DEPDC5: variants seen among roughly 807,000 people sequenced by gnomAD.
DEPDC5 encodes the protein DEP domain containing 5, GATOR1 subcomplex subunit, also known as GATOR1 complex protein DEPDC5.
A neutral mutation model predicts 217.3 loss-of-function variants in DEPDC5; 73 were observed. The observed-to-expected ratio is 0.34, with a 90% CI of 0.28 to 0.41. The LOEUF is 0.41. Ranked by LOEUF, DEPDC5 falls within the 10% of genes least tolerant of loss-of-function variation. The pLI is 1.00. For synonymous variants in DEPDC5, 733 were observed against 756.7 expected, an observed-to-expected ratio of 0.97 and a Z score of 0.51; for missense variants, 1,675 against 2,070.1, an observed-to-expected ratio of 0.81 and a Z score of 3.70.
At chr22:31,830,263 C>G (rs1050570584) in intron 24 of DEPDC5, among the ~76,000 whole-genome samples, 1 of 152,234 alleles carries the variant, frequency 6.6e-6, no homozygotes, top group African/African-American at 2.4e-5. Flanking sequence ...ATTCACAATT[C>G]TGAACAGATG....
intron 34 of DEPDC5, chr22:31,873,040 C>A: frequency 3.4e-6 from 3 of 878,812 alleles, no homozygotes; most frequent in South Asian, 1.9e-5. Flanking sequence ...CAGACGTAAG[C>A]CACCAAACCC....
chr22:31,757,199 A>C (rs1464312510), intron 2 of DEPDC5: 2 of 152,124 alleles, frequency 1.3e-5, no homozygotes, highest in African/African-American at 4.8e-5. Context: ...AAAATTAGGG[A>C]TTGCTGGGTG....
chr22:31,775,766 G>A (rs530461739), intron 7 of DEPDC5, among the ~76,000 whole-genome samples: 5 of 152,134 alleles, frequency 3.3e-5, no homozygotes, highest in African/African-American at 1.2e-4. Context: ...AGAAGGCTGG[G>A]CACAGTGGCT....
intron 33 of DEPDC5, among the ~76,000 whole-genome samples, chr22:31,864,518 A>ATT (rs1439354406): frequency 7.2e-6 from 1 of 138,274 alleles, no homozygotes; most frequent in Non-Finnish European, 1.6e-5. Flanking sequence ...ATATATATAT[A>ATT]TATATATTTA....
In DEPDC5 at chr22:31,839,452, G is replaced by A. The variant is rs534011628; in HGVS notation, c.2515+607G>A. Among the ~76,000 whole-genome samples, 40 of 149,320 alleles carry A rather than the reference G, an allele frequency of 2.7e-4. 1 individual carries two copies. In the South Asian group the frequency reaches 4.0e-3, roughly 15 times the overall value. On this transcript the variant is annotated intron_variant, in intron 27 of 42. Coordinates refer to ENST00000651528, the MANE Select transcript of DEPDC5 (RefSeq NM_001242896.3). ...TGCAGGTGCCTGGAATCAGAAAGCA[G>A]TAATCACTTCCTGGAACAATCAATG...
rs11913402 is a variant in DEPDC5, at chr22:31,857,392, C to A, written c.3156-53C>A. The A allele has an allele frequency of 6.1e-3, 9,023 of 1,482,928 alleles. 242 individuals are homozygous for A. The African/African-American group carries it at 0.074, about 12-fold the overall frequency. The allele number at this position is 1,482,928 out of a possible 1,614,324, so 91.9% of individuals were successfully genotyped here. A position where few individuals can be genotyped will look rare whatever the true frequency, so the allele number is the denominator to read the frequency against. The stretch of plus-strand genomic sequence containing the variant: ...GTCTGCATCTTGGCCGACATGGATC[C>A]TTCACCAGGGAGCTCTGAGCAAGCT... On this transcript the variant is annotated intron_variant, in intron 31 of 42. Coordinates refer to ENST00000651528, the MANE Select transcript of DEPDC5 (RefSeq NM_001242896.3).
intron 30 of DEPDC5, among the ~76,000 whole-genome samples, chr22:31,846,467 C>T (rs1569093013): frequency 6.6e-6 from 1 of 152,114 alleles, no homozygotes; most frequent in Non-Finnish European, 1.5e-5. Flanking sequence ...GTGGGAAGAA[C>T]TTTGGTTTTG....
rs368665888 is a variant in DEPDC5 at position 31,804,929 on chromosome 22, C to G, written c.1217+14C>G. 14 of 1,609,690 alleles carry G rather than the reference C, an allele frequency of 8.7e-6. No homozygotes were observed. In the African/African-American group the frequency reaches 1.7e-4, roughly 20 times the overall value. On this transcript the variant is annotated intron_variant, in intron 17 of 42. Transcript: ENST00000651528. Reference sequence around the variant, plus strand: ...GATAAACCACAGGTGGGTGCGATCTCGATCAATAGTAGGTGATAAGCGTTT... The same window carrying G: ...GATAAACCACAGGTGGGTGCGATCTGGATCAATAGTAGGTGATAAGCGTTT...
At chr22:31,899,755 A>C (rs5998164) in intron 40 of DEPDC5, among the ~76,000 whole-genome samples, 2 of 152,300 alleles carry the variant, frequency 1.3e-5, no homozygotes, top group African/African-American at 4.8e-5. Context: ...AAATGTGGAA[A>C]GATTAGCAAA....
chr22:31,827,625 T>G (rs773719428), intron 24 of DEPDC5, among the ~76,000 whole-genome samples: 1 of 152,178 alleles, frequency 6.6e-6, no homozygotes, highest in Admixed American at 6.5e-5. Context: ...TCACTTGGAG[T>G]AAAAGCCAAG....
rs73162155 is a variant in DEPDC5 at position 31,802,982 on chromosome 22, G to A, written c.1081+144G>A. 6.4e-3 allele frequency: 7,274 copies of A among 1,138,944 alleles called. 35 individuals are homozygous for A. The highest frequency in any genetic ancestry group is 7.8e-3 in the Non-Finnish European group (6,761 of 863,930). The allele number at this position is 1,138,944 out of a possible 1,614,324, so 70.6% of individuals were successfully genotyped here. ...ACAACGTCTGTGGATGTCAATAGGT[G>A]TCAGGTGCTAAAATTTCATGGTCAA... On this transcript the variant is annotated intron_variant, in intron 15 of 42. Coordinates refer to ENST00000651528, the MANE Select transcript of DEPDC5 (RefSeq NM_001242896.3).
At chr22:31,836,651 C>T (rs982166245) in intron 25 of DEPDC5, among the ~76,000 whole-genome samples, 3 of 152,004 alleles carry the variant, frequency 2.0e-5, no homozygotes, top group Admixed American at 1.3e-4. Flanking sequence ...TGATGTGCTT[C>T]GACATGTAAT....
intron 31 of DEPDC5, among the ~76,000 whole-genome samples, chr22:31,847,862 T>C (rs2091831985): frequency 1.3e-5 from 2 of 152,228 alleles, no homozygotes; most frequent in Admixed American, 1.3e-4. Flanking sequence ...TCAAGTCCAA[T>C]GTCTCATCTG....
intron 8 of DEPDC5, among the ~76,000 whole-genome samples, chr22:31,783,232 G>A (rs750940396): frequency 5.9e-5 from 9 of 152,174 alleles, no homozygotes; most frequent in Non-Finnish European, 8.8e-5. Flanking sequence ...AGCCAGCAGC[G>A]GCAGCCCAGG....
chr22:31,790,351 G>A (rs1461423498), intron 10 of DEPDC5, among the ~76,000 whole-genome samples: 5 of 152,124 alleles, frequency 3.3e-5, no homozygotes, highest in African/African-American at 1.2e-4. Context: ...CTGAAACTGC[G>A]CTTGCTAGCT....
intron 24 of DEPDC5, 32 bp downstream of exon 24, chr22:31,822,822 T>C (rs747066910): frequency 6.2e-7 from 1 of 1,603,384 alleles, no homozygotes; most frequent in Non-Finnish European, 8.5e-7. Context: ...AGAGTTGGGA[T>C]GTTTAGATCA....
Position 31,802,714 on chromosome 22 carries a change from G to A in DEPDC5, c.957G>A (p.Lys319=), listed in dbSNP as rs545689068. 230 of 1,580,346 alleles carry A rather than the reference G, an allele frequency of 1.5e-4. 3 individuals carry two copies. The South Asian group carries it at 2.4e-3, about 17-fold the overall frequency. Residue 319 remains lysine (K), a synonymous_variant, in exon 15 of 43, where the codon AAG becomes AAA. Coordinates refer to ENST00000651528, the MANE Select transcript of DEPDC5 (RefSeq NM_001242896.3). ...TTGTTTTATTTCTAGTGTTTGATAAGCACTACATCAACCGCAACTTTGACC... is the reference window on the plus strand; with the variant it reads ...TTGTTTTATTTCTAGTGTTTGATAAACACTACATCAACCGCAACTTTGACC... ...AINLSFNVFD[K]HYINRNFDRT... is the part of the protein sequence containing the mutation.
chr22:31,841,526 A>G (rs1194679218), intron 27 of DEPDC5, among the ~76,000 whole-genome samples: 1 of 152,216 alleles, frequency 6.6e-6, no homozygotes. Flanking sequence ...ATAGGGGCTC[A>G]AGGGCTCCTT....
chr22:31,792,675 G>T, intron 11 of DEPDC5, 70 bp from the exon 12 acceptor site: 1 of 938,514 alleles, frequency 1.1e-6, no homozygotes, highest in Non-Finnish European at 1.5e-6. Flanking sequence ...CTTTAACCCA[G>T]AAGAGGAAGC....
Sources: allele counts gnomAD v4.1 joint callset (sites outside exome capture counted in the v4.1 genomes callset), GRCh38; gene constraint gnomAD v4.1.1; transcripts MANE v1.5; gene names NCBI Gene and HGNC (gene_info 2026-07-23, HGNC 2026-07-21).